Variants in UBE2E2 observed in about 807,000 individuals in gnomAD.
The protein encoded by UBE2E2 is ubiquitin conjugating enzyme E2 E2, also known as ubiquitin-conjugating enzyme E2 E2.
Under a neutral mutation model 24.7 loss-of-function variants are expected in UBE2E2, and 6 were observed. The observed-to-expected ratio is 0.24, with a 90% CI of 0.13 to 0.48. UBE2E2 has a LOEUF of 0.48. UBE2E2 is among the 20% of genes least tolerant of loss of function. The pLI is 0.99. For missense variants in UBE2E2, 169 were observed against 245.0 expected (o/e 0.69, Z 2.07); for synonymous variants, 104 against 83.6 (o/e 1.24, Z -1.33).
chr3:23,555,816 T>C (rs769617178), intron 5 of UBE2E2, among the ~76,000 whole-genome samples: 8 of 152,164 alleles, frequency 5.3e-5, no homozygotes, highest in African/African-American at 1.9e-4. Flanking sequence ...GAATTTTTCT[T>C]TTTAAAGGTC....
At chr3:23,379,541 A>G (rs1696612042) in intron 3 of UBE2E2, among the ~76,000 whole-genome samples, 1 of 149,938 alleles carries the variant, frequency 6.7e-6, no homozygotes, top group Admixed American at 6.7e-5. Flanking sequence ...GATGATTTCC[A>G]GTTTCATCCA....
At chr3:23,262,380 G>A (rs1559323526) in intron 3 of UBE2E2, among the ~76,000 whole-genome samples, 1 of 152,062 alleles carries the variant, frequency 6.6e-6, no homozygotes, top group African/African-American at 2.4e-5. Context: ...TGGGCTTAAG[G>A]AATCATCTTG....
chr3:23,558,729 T>G (rs888334886), intron 5 of UBE2E2, among the ~76,000 whole-genome samples: 2 of 152,176 alleles, frequency 1.3e-5, no homozygotes, highest in Admixed American at 1.3e-4. Flanking sequence ...TTAATGTGAC[T>G]ATTTCAACTC....
chr3:23,307,165 C>T (rs922615613), intron 3 of UBE2E2, among the ~76,000 whole-genome samples: 3 of 152,080 alleles, frequency 2.0e-5, no homozygotes, highest in African/African-American at 2.4e-5. Context: ...CCTCCCTTTC[C>T]GTTTTGTCTT....
At chr3:23,443,237 A>G (rs1302128418) in intron 3 of UBE2E2, among the ~76,000 whole-genome samples, 1 of 152,160 alleles carries the variant, frequency 6.6e-6, no homozygotes, top group Non-Finnish European at 1.5e-5. Flanking sequence ...AAATATCATA[A>G]AGGCACCACA....
At chr3:23,563,421 TG>T in intron 5 of UBE2E2, among the ~76,000 whole-genome samples, 1 of 152,348 alleles carries the variant, frequency 6.6e-6, no homozygotes, top group Admixed American at 6.5e-5. Flanking sequence ...TTGATTGCAC[TG>T]TGGTCTGAGA....
chr3:23,383,632 GT>G (rs141172821), intron 3 of UBE2E2, among the ~76,000 whole-genome samples: 2 of 151,640 alleles, frequency 1.3e-5, no homozygotes, highest in South Asian at 4.1e-4. Flanking sequence ...AGATACTGAG[GT>G]TTTTTTTGTT....
rs139039810 is a variant in UBE2E2, at chr3:23,462,894, C to T, written c.228-36714C>T. On this transcript the variant is annotated intron_variant, in intron 3 of 5. Coordinates refer to ENST00000396703, the MANE Select transcript of UBE2E2 (RefSeq NM_152653.4). ...GTTAACCACTCTGTGCCTTAGTTTC[C>T]TTGTCTGTAAAATTCGAATGGTTTG... Among the ~76,000 whole-genome samples, 346 of 152,178 alleles carry T rather than the reference C, an allele frequency of 2.3e-3. 1 individual carries two copies. The highest frequency in any genetic ancestry group is 4.0e-3 in the Non-Finnish European group (272 of 67,982).
intron 4 of UBE2E2, among the ~76,000 whole-genome samples, chr3:23,520,127 A>T (rs1694830527): frequency 1.5e-5 from 1 of 68,196 alleles, no homozygotes; most frequent in South Asian, 5.2e-4. Context: ...TTCTTTAATT[A>T]AAAAAAAAAC....
chr3:23,581,774 A>T (rs1475443601), intron 5 of UBE2E2, among the ~76,000 whole-genome samples: 1 of 152,218 alleles, frequency 6.6e-6, no homozygotes, highest in Non-Finnish European at 1.5e-5. Context: ...TTTCTTCCAT[A>T]CCACCTACCA....
chr3:23,309,899 A>G (rs1694315138), intron 3 of UBE2E2, among the ~76,000 whole-genome samples: 1 of 152,120 alleles, frequency 6.6e-6, no homozygotes, highest in South Asian at 2.1e-4. Context: ...CACCAGAGCA[A>G]ACAGTCTAGA....
intron 3 of UBE2E2, among the ~76,000 whole-genome samples, chr3:23,360,464 A>G (rs924744309): frequency 1.3e-5 from 2 of 152,224 alleles, no homozygotes; most frequent in Admixed American, 6.5e-5. Context: ...TAATTGTTCA[A>G]ATAGACATAA....
intron 3 of UBE2E2, among the ~76,000 whole-genome samples, chr3:23,458,527 C>T (rs991114745): frequency 6.6e-6 from 1 of 152,050 alleles, no homozygotes; most frequent in Admixed American, 6.6e-5. Context: ...ACACCATGCT[C>T]CTGCCTCAGC....
chr3:23,404,045 C>T (rs1697294750), intron 3 of UBE2E2, among the ~76,000 whole-genome samples: 1 of 152,082 alleles, frequency 6.6e-6, no homozygotes, highest in South Asian at 2.1e-4. Flanking sequence ...ATGCAAAGTA[C>T]AAAAGACTGT....
chr3:23,349,408 C>T (rs367936676), intron 3 of UBE2E2, among the ~76,000 whole-genome samples: 275 of 152,282 alleles, frequency 1.8e-3, no homozygotes, highest in Admixed American at 3.3e-3. Context: ...GCACACTGTG[C>T]GCGACCCGAA....
chr3:23,492,530 A>T (rs1341022771), intron 3 of UBE2E2, among the ~76,000 whole-genome samples: 1 of 152,230 alleles, frequency 6.6e-6, no homozygotes, highest in East Asian at 1.9e-4. Context: ...CTTGCTGTGT[A>T]GTATGATTAG....
At chr3:23,288,178 GACC>G (rs1191868869) in intron 3 of UBE2E2, among the ~76,000 whole-genome samples, 2 of 151,846 alleles carry the variant, frequency 1.3e-5, no homozygotes, top group East Asian at 3.9e-4. Flanking sequence ...TTTCTTCATT[GACC>G]CACTGAGCAT....
At chr3:23,401,413 G>A (rs114911545) in intron 3 of UBE2E2, among the ~76,000 whole-genome samples, 1,685 of 152,252 alleles carry the variant, frequency 0.011, 25 homozygotes, top group African/African-American at 0.037. Flanking sequence ...GCTTAGGTTA[G>A]TGTTGTCACC....
intron 3 of UBE2E2, among the ~76,000 whole-genome samples, chr3:23,357,516 A>G (rs1413203238): frequency 1.3e-5 from 2 of 152,182 alleles, no homozygotes; most frequent in East Asian, 3.9e-4. Flanking sequence ...CAGGTTTAGC[A>G]TTTTTTTAAA....
Sources: allele counts gnomAD v4.1 joint callset (sites outside exome capture counted in the v4.1 genomes callset), GRCh38; gene constraint gnomAD v4.1.1; transcripts MANE v1.5; gene names NCBI Gene and HGNC (gene_info 2026-07-23, HGNC 2026-07-21).